The following NAALAD2 variants were observed in gnomAD, a reference collection of about 807,000 sequenced individuals.
NAALAD2 encodes the protein N-acetylated alpha-linked acidic dipeptidase 2.
A neutral mutation model predicts 95.6 loss-of-function variants in NAALAD2; 89 were observed. The observed-to-expected ratio is 0.93, with a 90% CI of 0.78 to 1.11. The LOEUF is 1.11. Among genes scored for constraint, NAALAD2 ranks in the 50% least tolerant of loss-of-function variants. NAALAD2 has a pLI of 0.00. For synonymous variants in NAALAD2, 264 were observed against 294.4 expected (o/e 0.90, Z 1.06); for missense variants, 894 against 872.4 (o/e 1.02, Z -0.31).
At chr11:90,184,879 G>T (rs1320446593) in intron 18 of NAALAD2, among the ~76,000 whole-genome samples, 1 of 151,942 alleles carries the variant, frequency 6.6e-6, no homozygotes, top group African/African-American at 2.4e-5. Context: ...AAAATGAATG[G>T]TTGTGTCTGT....
chr11:90,134,307 T>C (rs1330910982), upstream of NAALAD2, among the ~76,000 whole-genome samples: 1 of 152,128 alleles, frequency 6.6e-6, no homozygotes, highest in East Asian at 1.9e-4. Flanking sequence ...CAGAAATCAT[T>C]TCCGAGTCTG....
intron 2 of NAALAD2, 102 bp from the exon 3 acceptor site, chr11:90,147,228 C>T: frequency 1.1e-6 from 1 of 908,488 alleles, no homozygotes; most frequent in Non-Finnish European, 1.7e-6. Flanking sequence ...ATAGGAATGA[C>T]AACTTAATGC....
intron 6 of NAALAD2, among the ~76,000 whole-genome samples, chr11:90,156,442 T>C (rs1952121675): frequency 6.6e-6 from 1 of 152,178 alleles, no homozygotes; most frequent in African/African-American, 2.4e-5. Flanking sequence ...TTTGTTCTTT[T>C]TCTAGTTTCT....
intron 17 of NAALAD2, 27 bp from the exon 18 acceptor site, chr11:90,182,889 A>G (rs1857005566): frequency 1.3e-6 from 2 of 1,481,936 alleles, no homozygotes; most frequent in African/African-American, 1.4e-5. Flanking sequence ...GGTTTGCGTT[A>G]TAATTATGTA....
chr11:90,189,805 A>G (rs554328369), intron 18 of NAALAD2, among the ~76,000 whole-genome samples: 10 of 152,180 alleles, frequency 6.6e-5, no homozygotes, highest in African/African-American at 2.2e-4. Context: ...ATCACAACTC[A>G]TCAGTGAATA....
intron 2 of NAALAD2, 119 bp downstream of exon 2, chr11:90,135,789 T>C: frequency 1.4e-6 from 1 of 706,146 alleles, no homozygotes; most frequent in Admixed American, 3.7e-5. Context: ...TACATATTAG[T>C]CATCAACTTT....
At chr11:90,176,750 T>C (rs1365051234) in intron 15 of NAALAD2, among the ~76,000 whole-genome samples, 2 of 152,202 alleles carry the variant, frequency 1.3e-5, no homozygotes, top group African/African-American at 4.8e-5. Flanking sequence ...AATCTTCAAA[T>C]CATAATTACA....
chr11:90,167,337 A>G (rs1449131953), intron 11 of NAALAD2, among the ~76,000 whole-genome samples: 1 of 152,190 alleles, frequency 6.6e-6, no homozygotes, highest in East Asian at 1.9e-4. Flanking sequence ...CTGGGCCAGC[A>G]GCTGTTGTGC....
intron 18 of NAALAD2, among the ~76,000 whole-genome samples, chr11:90,184,647 C>G (rs1021266768): frequency 6.6e-6 from 1 of 151,960 alleles, no homozygotes. Context: ...AACTCAGGCT[C>G]TGTAGAAGCA....
intron 4 of NAALAD2, 28 bp from the exon 5 acceptor site, chr11:90,150,454 T>C: frequency 6.9e-7 from 1 of 1,445,720 alleles, no homozygotes. Context: ...ATTTTAGCAG[T>C]ATTATATATA....
chr11:90,167,527 G>C (rs946114610), intron 11 of NAALAD2, among the ~76,000 whole-genome samples: 1 of 152,342 alleles, frequency 6.6e-6, no homozygotes, highest in East Asian at 1.9e-4. Context: ...AGAAGTGCCG[G>C]CGCACATCGT....
chr11:90,158,207 A>G lies in NAALAD2; in HGVS notation c.859A>G (p.Ile287Val). 6.2e-7 allele frequency: 1 copy of G among 1,610,080 alleles called. No individual in the cohort carries two copies. The highest frequency in any genetic ancestry group is 8.5e-7 in the Non-Finnish European group (1 of 1,177,070). ...VGIPRIPVHP[I>V]GYNDAEILLR... is the part of the protein sequence containing the mutation. ...AATCCCCCGAATACCTGTACATCCC[A>G]TTGGATATAATGATGCAGAAATATT... The change falls in exon 7 of 19, where the codon ATT becomes GTT. Residue 287 changes from isoleucine (I) to valine (V), a missense_variant. Coordinates refer to ENST00000534061, the MANE Select transcript of NAALAD2 (RefSeq NM_005467.4).
In NAALAD2 at chr11:90,168,679, G is replaced by A. The variant is rs151205965; in HGVS notation, c.1279-250G>A. Among the ~76,000 whole-genome samples, 264 of 151,874 alleles carry A rather than the reference G, an allele frequency of 1.7e-3. 3 individuals carry two copies. Among genetic ancestry groups the A allele is most frequent in the African/African-American group, 6.1e-3 (251 of 41,430 alleles). Reference sequence around the variant, plus strand: ...CTTTGAAAATATTTTTTTTTCTTAGGGCTCTCTGCTATTGCTATAAACAGT... The same window carrying A: ...CTTTGAAAATATTTTTTTTTCTTAGAGCTCTCTGCTATTGCTATAAACAGT... On this transcript the variant is annotated intron_variant, in intron 11 of 18. Coordinates refer to ENST00000534061, the MANE Select transcript of NAALAD2 (RefSeq NM_005467.4).
At chr11:90,177,139 C>T (rs111599230) in intron 15 of NAALAD2, among the ~76,000 whole-genome samples, 6 of 151,714 alleles carry the variant, frequency 4.0e-5, no homozygotes, top group African/African-American at 9.7e-5. Context: ...AAAGGCAGAC[C>T]GAAGAACTAA....
chr11:90,150,672 C>A, intron 5 of NAALAD2, 65 bp downstream of exon 5: 2 of 1,316,874 alleles, frequency 1.5e-6, no homozygotes, highest in South Asian at 4.6e-5. Context: ...ATGTAAATGA[C>A]CAACTTGCTT....
chr11:90,133,254 T>C (rs1951380247), upstream of NAALAD2, among the ~76,000 whole-genome samples: 1 of 151,744 alleles, frequency 6.6e-6, no homozygotes, highest in Non-Finnish European at 1.5e-5. Flanking sequence ...CTACTTTTGG[T>C]TAGATACGTG....
rs146762695 is a variant in NAALAD2 at position 90,177,983 on chromosome 11, A to C, written c.1724A>C (p.Tyr575Ser). ...GCTCAATTACGAGGAGCACTGGTAT[A>C]TGAGCTTGTGGATTCTAAAATCATT... ...SVAQLRGALV[Y>S]ELVDSKIIPF... Residue 575 changes from tyrosine to serine, a missense_variant, in exon 16 of 19, where the codon TAT (tyrosine) becomes TCT (serine). Physicochemically the swap from Tyr to Ser is moderately radical, Grantham distance 144. Transcript: ENST00000534061. The C allele has an allele frequency of 6.2e-7, 1 of 1,613,972 alleles. No homozygotes were observed. The highest frequency in any genetic ancestry group is 8.5e-7 in the Non-Finnish European group (1 of 1,179,958).
chr11:90,173,902 A>G lies in NAALAD2; in HGVS notation c.1489A>G (p.Lys497Glu). 4 of 1,611,632 alleles carry G rather than the reference A, an allele frequency of 2.5e-6. No individual in the cohort carries two copies. Among genetic ancestry groups the G allele is most frequent in the Non-Finnish European group, 3.4e-6 (4 of 1,178,662 alleles). ...WLEKDPSPEN[K>E]NLPRINKLGS... Reference sequence around the variant, plus strand: ...GGAAAAAGACCCTTCACCTGAAAATAAAAATTTGCCTAGGTAAGTTACTGA... The same window carrying G: ...GGAAAAAGACCCTTCACCTGAAAATGAAAATTTGCCTAGGTAAGTTACTGA... The change falls in exon 14 of 19, where the codon AAA becomes GAA. Residue 497 changes from lysine to glutamate, a missense_variant. Physicochemically the swap from Lys to Glu is moderately conservative, Grantham distance 56. Transcript: ENST00000534061.
chr11:90,167,212 G>C (rs1241543284), intron 11 of NAALAD2, among the ~76,000 whole-genome samples: 3 of 152,082 alleles, frequency 2.0e-5, no homozygotes. Flanking sequence ...GCGGGAACCG[G>C]GGCTGCGCGG....
Sources: gnomAD v4.1 joint callset for allele counts (sites outside exome capture counted in the v4.1 genomes callset) on GRCh38, gnomAD v4.1.1 for gene constraint, MANE v1.5 for transcripts, NCBI Gene and HGNC (gene_info 2026-07-23, HGNC 2026-07-21) for gene names.